The following NRXN2 variants were observed in gnomAD, a reference collection of about 807,000 sequenced individuals.
NRXN2 encodes the protein neurexin 2.
A neutral mutation model predicts 128.8 loss-of-function variants in NRXN2; 29 were observed. The ratio of observed to expected loss-of-function variants is 0.23; its 90% CI spans 0.17 to 0.31. The LOEUF is 0.31. NRXN2 is among the 10% of genes least tolerant of loss of function. NRXN2 has a pLI of 1.00. For missense variants in NRXN2, 1,881 were observed against 2,452.6 expected (o/e 0.77, Z 4.92); for synonymous variants, 1,098 against 1,075.2 (o/e 1.02, Z -0.41).
intron 1 of NRXN2, among the ~76,000 whole-genome samples, chr11:64,717,207 C>T (rs775426458): frequency 5.9e-5 from 9 of 152,194 alleles, no homozygotes; most frequent in Non-Finnish European, 1.3e-4. Context: ...CGCCTTGCAC[C>T]CACAGCGTCC....
In NRXN2 at chr11:64,623,223, G is replaced by A. The variant is rs980342102; in HGVS notation, c.3848-145C>T. On this transcript the variant is annotated intron_variant, in intron 20 of 22. Coordinates refer to ENST00000265459, the MANE Select transcript of NRXN2 (RefSeq NM_015080.4). This position sits in a 1 kb window ranked among gnomAD's most constrained non-coding sequence, Gnocchi z 4.9. Reference sequence around the variant, plus strand: ...GGGAGGAGGGGACGGGGAGAAATGAGGAAGGGGCAGAAAGCCAAAGGGAAA... The same window carrying A: ...GGGAGGAGGGGACGGGGAGAAATGAAGAAGGGGCAGAAAGCCAAAGGGAAA... 1 of 1,334,338 alleles carries A rather than the reference G, an allele frequency of 7.5e-7. No homozygotes were observed. Among genetic ancestry groups the A allele is most frequent in the Non-Finnish European group, 1.0e-6 (1 of 1,002,084 alleles). The allele number at this position is 1,334,338 out of a possible 1,614,324, so 82.7% of individuals were successfully genotyped here.
chr11:64,712,544 C>G (rs976002844), intron 2 of NRXN2, among the ~76,000 whole-genome samples: 1 of 152,074 alleles, frequency 6.6e-6, no homozygotes, highest in African/African-American at 2.4e-5. Flanking sequence ...CAAGCCCCAC[C>G]CACTGTCCTT....
chr11:64,669,583 G>C (rs2050356799), intron 7 of NRXN2, among the ~76,000 whole-genome samples: 1 of 152,148 alleles, frequency 6.6e-6, no homozygotes, highest in African/African-American at 2.4e-5. Flanking sequence ...CGGTGGCCTG[G>C]AGAATGCAGA....
intron 11 of NRXN2, 106 bp from the exon 12 acceptor site, chr11:64,653,828 T>G: frequency 3.4e-5 from 29 of 845,590 alleles, no homozygotes; most frequent in South Asian, 1.3e-4. Flanking sequence ...CGGGCGGGGT[T>G]CCCCCCAGGG....
At chr11:64,620,233 GC>G (rs1305106520) in intron 22 of NRXN2, 60 bp downstream of exon 22, 8 of 1,360,512 alleles carry the variant, frequency 5.9e-6, no homozygotes, top group Non-Finnish European at 8.2e-6. Context: ...AGGGACAGTC[GC>G]CCCCCTCCCA....
chr11:64,643,177 G>C, intron 17 of NRXN2: 2 of 980,122 alleles, frequency 2.0e-6, no homozygotes, highest in Non-Finnish European at 2.4e-6. Context: ...GCAGGGAGGG[G>C]AGAGCGAGGG....
At chr11:64,613,972 G>A (rs1006646414) in intron 22 of NRXN2, among the ~76,000 whole-genome samples, 4 of 152,108 alleles carry the variant, frequency 2.6e-5, no homozygotes, top group South Asian at 4.1e-4. Flanking sequence ...CTGACCATGA[G>A]GCTTCTACTT....
Position 64,622,582 on chromosome 11 carries a change from T to C in NRXN2, c.4173+171A>G, listed in dbSNP as rs2042521481. Among the ~76,000 whole-genome samples the C allele has an allele frequency of 6.6e-6, 1 of 152,244 alleles. No individual in the cohort carries two copies. Reference sequence around the variant, plus strand: ...GGTCATTAGGGTGAAGGCCACTTCCTGAAAGGTGACCTTGCCCATCGCCAT... The same window carrying C: ...GGTCATTAGGGTGAAGGCCACTTCCCGAAAGGTGACCTTGCCCATCGCCAT... On this transcript the variant is annotated intron_variant, in intron 21 of 22. Coordinates refer to ENST00000265459, the MANE Select transcript of NRXN2 (RefSeq NM_015080.4). The surrounding 1 kb of genome is among the most constrained non-coding windows in gnomAD (Gnocchi z 4.3).
chr11:64,660,587 G>C lies in NRXN2; in HGVS notation c.2186-52C>G, dbSNP rs566399801. 1 of 1,600,532 alleles carries C rather than the reference G, an allele frequency of 6.2e-7. No individual in the cohort carries two copies. The highest frequency in any genetic ancestry group is 1.7e-5 in the Admixed American group (1 of 59,902). ...AAGGAGAAGACAGGCAGAGGCCAGG[G>C]GAGGGAGAAGACCAGAGAATCATTA... On this transcript the variant is annotated intron_variant, in intron 10 of 22. Coordinates refer to ENST00000265459, the MANE Select transcript of NRXN2 (RefSeq NM_015080.4). This position sits in a 1 kb window ranked among gnomAD's most constrained non-coding sequence, Gnocchi z 5.2.
rs377365878 is a variant in NRXN2 at position 64,668,641 on chromosome 11, C to A, written c.1198-37G>T. 5.6e-6 allele frequency: 9 copies of A among 1,610,260 alleles called. No individual in the cohort carries two copies. In the African/African-American group the frequency reaches 6.7e-5, roughly 12 times the overall value. ...AGGAGGGAGGGAGAAAGACAGGAGACAACCAACATCAAATCCCTAGGAAGA... is the reference window on the plus strand; with the variant it reads ...AGGAGGGAGGGAGAAAGACAGGAGAAAACCAACATCAAATCCCTAGGAAGA... On this transcript the variant is annotated intron_variant, in intron 7 of 22. Transcript: ENST00000265459.
At position 64,607,075 on chromosome 11, in the gene NRXN2, G is replaced by C; in HGVS notation, c.*121C>G. The C allele has an allele frequency of 9.1e-7, 1 of 1,094,050 alleles. No individual in the cohort carries two copies. Among genetic ancestry groups the C allele is most frequent in the Middle Eastern group, 3.0e-4 (1 of 3,368 alleles). The allele number at this position is 1,094,050 out of a possible 1,614,324, so 67.8% of individuals were successfully genotyped here. On this transcript the variant is annotated 3_prime_UTR_variant, in exon 23 of 23. Transcript: ENST00000265459. ...TTTTCTTTTTTTGCGTTTCCTCTTCGTAAGAGAAGCCTGAGGCAGCCAGGG... is the reference window on the plus strand; with the variant it reads ...TTTTCTTTTTTTGCGTTTCCTCTTCCTAAGAGAAGCCTGAGGCAGCCAGGG...
intron 19 of NRXN2, among the ~76,000 whole-genome samples, chr11:64,629,715 C>A (rs1454693767): frequency 6.6e-6 from 1 of 152,186 alleles, no homozygotes; most frequent in East Asian, 1.9e-4. Flanking sequence ...GGACCTAGCA[C>A]AAGCCCTGAT....
intron 17 of NRXN2, among the ~76,000 whole-genome samples, chr11:64,641,822 G>A (rs931037914): frequency 1.3e-5 from 2 of 152,034 alleles, no homozygotes; most frequent in African/African-American, 4.8e-5. Context: ...TGAGATGCTG[G>A]GGGTCAGAGG....
chr11:64,679,281 T>G (rs1364013809), intron 6 of NRXN2, among the ~76,000 whole-genome samples: 2 of 152,212 alleles, frequency 1.3e-5, no homozygotes, highest in Non-Finnish European at 2.9e-5. Context: ...TAAAATAAGA[T>G]TCAAAAGTTT....
At chr11:64,621,573 G>A (rs990179862) in intron 21 of NRXN2, among the ~76,000 whole-genome samples, 1 of 152,100 alleles carries the variant, frequency 6.6e-6, no homozygotes, top group Non-Finnish European at 1.5e-5. Context: ...CAGGGAGGAG[G>A]GGTCTTAAAG....
Position 64,713,161 on chromosome 11 carries a change from G to T in NRXN2, c.539C>A (p.Ala180Asp), listed in dbSNP as rs765015767. 6 of 1,460,100 alleles carry T rather than the reference G, an allele frequency of 4.1e-6. No homozygotes were observed. The highest frequency in any genetic ancestry group is 5.4e-6 in the Non-Finnish European group (6 of 1,108,964). 90.4% of individuals were successfully genotyped at this position (1,460,100 alleles called of 1,614,324 possible). A position where few individuals can be genotyped will look rare whatever the true frequency, so the allele number is the denominator to read the frequency against. Residue 180 changes from alanine (A) to aspartate (D), a missense_variant, in exon 2 of 23, where the codon GCC becomes GAC. Physicochemically the swap from Ala to Asp is moderately radical, Grantham distance 126. Coordinates refer to ENST00000265459, the MANE Select transcript of NRXN2 (RefSeq NM_015080.4). ...KYEPPFRGLLANLKLGERPPA... is the reference protein window; with the variant it reads ...KYEPPFRGLLDNLKLGERPPA... ...GGGCCGCTCGCCCAGCTTCAGGTTG[G>T]CCAAGAGGCCGCGGAAGGGCGGCTC... is the stretch of plus-strand genomic sequence containing the variant.
chr11:64,658,134 G>A (rs2048517566), intron 11 of NRXN2, among the ~76,000 whole-genome samples: 1 of 152,166 alleles, frequency 6.6e-6, no homozygotes, highest in Admixed American at 6.5e-5. Context: ...AGGGGCCTAG[G>A]ACAGTCCAAA....
intron 2 of NRXN2, among the ~76,000 whole-genome samples, chr11:64,709,183 T>C (rs1441248717): frequency 1.7e-5 from 2 of 115,260 alleles, no homozygotes; most frequent in African/African-American, 7.1e-5. Flanking sequence ...AGAGCGAGAC[T>C]CCATCTCAAA....
At chr11:64,706,688 T>C (rs2056367887) in intron 2 of NRXN2, among the ~76,000 whole-genome samples, 1 of 152,180 alleles carries the variant, frequency 6.6e-6, no homozygotes, top group Non-Finnish European at 1.5e-5. Flanking sequence ...ACAGATATGA[T>C]GTACATTTCC....
Sources: gnomAD v4.1 joint callset for allele counts (sites outside exome capture counted in the v4.1 genomes callset) on GRCh38, gnomAD v4.1.1 for gene constraint, Gnocchi (gnomAD v3.1) non-coding constraint, MANE v1.5 for transcripts, NCBI Gene and HGNC (gene_info 2026-07-23, HGNC 2026-07-21) for gene names.